The following FSD1 variants were observed in gnomAD, a reference collection of about 807,000 sequenced individuals.
The protein encoded by FSD1 is fibronectin type III and SPRY domain-containing protein 1.
A neutral mutation model predicts 58.2 loss-of-function variants in FSD1; 23 were observed. That is an observed-to-expected ratio of 0.40 (90% CI 0.28 to 0.56). The LOEUF (loss-of-function observed/expected upper bound fraction) is 0.56, where lower values mean the gene tolerates loss of function less well. Among genes scored for constraint, FSD1 ranks in the 20% least tolerant of loss-of-function variants. The probability of loss-of-function intolerance (pLI) is 0.54; values close to 1 mark genes in which losing one functional copy is unlikely to be tolerated. For synonymous variants in FSD1, 265 were observed against 263.4 expected, an observed-to-expected ratio of 1.01 and a Z score of -0.06; for missense variants, 563 against 670.8, an observed-to-expected ratio of 0.84 and a Z score of 1.78.
In FSD1 at chr19:4,323,307, C is replaced by T; in HGVS notation, c.1292-41C>T. On this transcript the variant is annotated intron_variant, in intron 11 of 12. Coordinates refer to ENST00000221856, the MANE Select transcript of FSD1 (RefSeq NM_024333.3). The surrounding 1 kb of genome is among the most constrained non-coding windows in gnomAD (Gnocchi z 7.7). The stretch of plus-strand genomic sequence containing the variant: ...GTCCCCTCCGTCTGCCCCCATCCCA[C>T]TTCTGACCGGTCCCACTGTCACTCT... The T allele has an allele frequency of 6.2e-7, 1 of 1,610,344 alleles. No individual in the cohort carries two copies. The highest frequency in any genetic ancestry group is 8.5e-7 in the Non-Finnish European group (1 of 1,178,240).
In FSD1 at chr19:4,306,381, C is replaced by T. The variant is rs373404447; in HGVS notation, c.243+52C>T. 4.3e-5 allele frequency: 68 copies of T among 1,597,766 alleles called. 1 individual carries two copies. In the South Asian group the frequency reaches 5.1e-4, roughly 12 times the overall value. On this transcript the variant is annotated intron_variant, in intron 3 of 12. Transcript: ENST00000221856. ...CCCCCGCCCCTCCTACTCAACAGAA[C>T]GTAGCTGACCTCGGCACCTTCCTCC...
chr19:4,305,863 T>C, intron 1 of FSD1, 83 bp from the exon 2 acceptor site: 2 of 989,738 alleles, frequency 2.0e-6, no homozygotes, highest in South Asian at 1.3e-5. Flanking sequence ...TGTGCACGTG[T>C]GTACATGTGC....
At chr19:4,308,012 G>A (rs755957469) in intron 4 of FSD1, 29 bp downstream of exon 4, 2 of 1,541,556 alleles carry the variant, frequency 1.3e-6, no homozygotes, top group South Asian at 2.3e-5. Context: ...GCCAGGTAAA[G>A]AACAGTGTGC....
intron 4 of FSD1, among the ~76,000 whole-genome samples, chr19:4,308,313 C>T (rs529798472): frequency 5.9e-5 from 9 of 152,224 alleles, no homozygotes; most frequent in East Asian, 1.9e-4. Context: ...GAGGCTGAGG[C>T]GGGAGAATCG....
chr19:4,320,414 A>G (rs988255961), intron 10 of FSD1, among the ~76,000 whole-genome samples: 1 of 152,028 alleles, frequency 6.6e-6, no homozygotes, highest in African/African-American at 2.4e-5. Context: ...GGCCTGTGGG[A>G]ACACTATGAG....
In FSD1 at chr19:4,323,469, A is replaced by T; in HGVS notation, c.1380+33A>T. On this transcript the variant is annotated intron_variant, in intron 12 of 12. Transcript: ENST00000221856. The surrounding 1 kb of genome is among the most constrained non-coding windows in gnomAD (Gnocchi z 7.7). The stretch of plus-strand genomic sequence containing the variant: ...GCCCTCCGCGGCCCAGGGGGAGGAG[A>T]GGGTGGTGCTGGGCGCTGGGGTTTG... The T allele has an allele frequency of 6.2e-7, 1 of 1,603,682 alleles. No homozygotes were observed. The highest frequency in any genetic ancestry group is 8.5e-7 in the Non-Finnish European group (1 of 1,171,636).
At chr19:4,318,585 A>G in intron 9 of FSD1, 80 bp downstream of exon 9, 1 of 1,340,564 alleles carries the variant, frequency 7.5e-7, no homozygotes, top group Non-Finnish European at 1.0e-6. Flanking sequence ...GTGTGGTCAG[A>G]GTTGGGGTGG....
Position 4,311,830 on chromosome 19 carries a change from C to T in FSD1, c.491-12C>T, listed in dbSNP as rs985087320. 5.6e-6 allele frequency: 9 copies of T among 1,613,516 alleles called. No individual in the cohort carries two copies. The highest frequency in any genetic ancestry group is 2.2e-5 in the South Asian group (2 of 91,050). On this transcript the variant is annotated splice_polypyrimidine_tract_variant and intron_variant, in intron 6 of 12. Transcript: ENST00000221856. ...CAGAATCCCGACCCCCTCTCCTTTCCGTCTTGGTCAGTGCCCAGCGCACCC... is the reference window on the plus strand; with the variant it reads ...CAGAATCCCGACCCCCTCTCCTTTCTGTCTTGGTCAGTGCCCAGCGCACCC...
intron 8 of FSD1, 55 bp from the exon 9 acceptor site, chr19:4,318,291 C>G (rs998865165): frequency 1.2e-6 from 2 of 1,611,980 alleles, no homozygotes; most frequent in African/African-American, 2.7e-5. Flanking sequence ...CTGTCTCTCT[C>G]TGTGTCTCTC....
intron 4 of FSD1, among the ~76,000 whole-genome samples, chr19:4,309,514 G>A (rs1036054350): frequency 2.0e-5 from 3 of 152,200 alleles, no homozygotes; most frequent in African/African-American, 7.2e-5. Context: ...GCCATCCTCT[G>A]TCTTCAGGGC....
At chr19:4,309,305 T>C (rs1568378737) in intron 4 of FSD1, among the ~76,000 whole-genome samples, 1 of 152,136 alleles carries the variant, frequency 6.6e-6, no homozygotes, top group Non-Finnish European at 1.5e-5. Context: ...GAATAAATAC[T>C]TTTTTAGTAT....
chr19:4,310,650 C>A, intron 6 of FSD1, 54 bp downstream of exon 6: 1 of 1,574,412 alleles, frequency 6.4e-7, no homozygotes, highest in Non-Finnish European at 8.6e-7. Context: ...ACCTGGGAGG[C>A]TAGGAGGCCC....
At position 4,318,889 on chromosome 19, in the gene FSD1, A is replaced by G; in HGVS notation, c.977A>G (p.Lys326Arg). Reference protein sequence around the residue: ...NSPARGTPSPKRMPSGRGGRD... With the variant: ...NSPARGTPSPRRMPSGRGGRD... ...CACCACAGAGGTACTCCATCTCCCA[A>G]GAGGATGCCCTCAGGTCGTGGGGGA... The change falls in exon 10 of 13, where the codon AAG becomes AGG. Residue 326 changes from lysine to arginine, a missense_variant. By Grantham distance (26) the Lys-to-Arg change is conservative. Coordinates refer to ENST00000221856, the MANE Select transcript of FSD1 (RefSeq NM_024333.3). 1.2e-6 allele frequency: 2 copies of G among 1,613,740 alleles called. No individual in the cohort carries two copies. The highest frequency in any genetic ancestry group is 1.7e-6 in the Non-Finnish European group (2 of 1,179,960).
intron 7 of FSD1, among the ~76,000 whole-genome samples, chr19:4,316,839 C>T (rs1971760711): frequency 6.6e-6 from 1 of 152,144 alleles, no homozygotes; most frequent in African/African-American, 2.4e-5. Flanking sequence ...CAACCTCCAC[C>T]TCCCGGGTTC....
At chr19:4,308,047 A>G in intron 4 of FSD1, 64 bp downstream of exon 4, 7 of 1,293,150 alleles carry the variant, frequency 5.4e-6, no homozygotes, top group Non-Finnish European at 6.6e-6. Flanking sequence ...ATTTCAGGTG[A>G]ACAAGCACAT....
chr19:4,323,238 G>T lies in FSD1; in HGVS notation c.1291+1G>T. On this transcript the variant is annotated splice_donor_variant, in intron 11 of 12. Transcript: ENST00000221856. LOFTEE classifies it high-confidence loss of function. The surrounding 1 kb of genome is among the most constrained non-coding windows in gnomAD (Gnocchi z 7.7). ...GGTGTGCACTGTGACTTCCACCAAG[G>T]TGACCCCAAGCCCCAGCTGCCGTCT... The T allele has an allele frequency of 6.2e-7, 1 of 1,605,134 alleles. No homozygotes were observed.
At chr19:4,307,520 A>G (rs1403855569) in intron 3 of FSD1, among the ~76,000 whole-genome samples, 1 of 151,976 alleles carries the variant, frequency 6.6e-6, no homozygotes, top group African/African-American at 2.4e-5. Context: ...GGTGCCCACC[A>G]CCACACCCAG....
Position 4,323,691 on chromosome 19 carries a change from C to A in FSD1, c.*48C>A. On this transcript the variant is annotated 3_prime_UTR_variant, in exon 13 of 13. Coordinates refer to ENST00000221856, the MANE Select transcript of FSD1 (RefSeq NM_024333.3). The surrounding 1 kb of genome is among the most constrained non-coding windows in gnomAD (Gnocchi z 7.7). ...GGGGTGTTTTTGGGGGAGTCGCCGCCAAGCCCAGGCTGCTGGAGCCAGGCA... is the reference window on the plus strand; with the variant it reads ...GGGGTGTTTTTGGGGGAGTCGCCGCAAAGCCCAGGCTGCTGGAGCCAGGCA... The A allele has an allele frequency of 1.5e-6, 2 of 1,332,522 alleles. No homozygotes were observed. The highest frequency in any genetic ancestry group is 1.3e-5 in the South Asian group (1 of 79,914). The allele number at this position is 1,332,522 out of a possible 1,614,324, so 82.5% of individuals were successfully genotyped here.
At chr19:4,314,819 G>A (rs935894149) in intron 7 of FSD1, among the ~76,000 whole-genome samples, 1 of 152,196 alleles carries the variant, frequency 6.6e-6, no homozygotes, top group Admixed American at 6.6e-5. Context: ...TCATTCGGGT[G>A]TTCCACACAG....
Sources: gnomAD v4.1 joint callset for allele counts (sites outside exome capture counted in the v4.1 genomes callset) on GRCh38, gnomAD v4.1.1 for gene constraint, Gnocchi (gnomAD v3.1) non-coding constraint, MANE v1.5 for transcripts, NCBI Gene and HGNC (gene_info 2026-07-23, HGNC 2026-07-21) for gene names.